Variants in DAPK2 observed in about 807,000 individuals in gnomAD.
The protein encoded by DAPK2 is death associated protein kinase 2.
DAPK2 carries 35 observed loss-of-function variants against 44.1 expected under a neutral mutation model. The ratio of observed to expected loss-of-function variants is 0.79; its 90% CI spans 0.61 to 1.05. The LOEUF is 1.05. Ranked by LOEUF, DAPK2 falls within the 50% of genes least tolerant of loss-of-function variation. DAPK2 has a pLI of 0.00. For synonymous variants in DAPK2, 174 were observed against 182.6 expected (o/e 0.95, Z 0.38); for missense variants, 453 against 483.2 (o/e 0.94, Z 0.59).
At chr15:63,959,930 T>C (rs1419919902) in intron 3 of DAPK2, among the ~76,000 whole-genome samples, 1 of 152,248 alleles carries the variant, frequency 6.6e-6, no homozygotes, top group African/African-American at 2.4e-5. Context: ...GAAGGAATGG[T>C]ACCAGCTCCT....
chr15:64,038,025 T>C (rs1468696374), intron 1 of DAPK2, among the ~76,000 whole-genome samples: 1 of 152,192 alleles, frequency 6.6e-6, no homozygotes, highest in Non-Finnish European at 1.5e-5. Context: ...ACATGAGGTC[T>C]CTTCCGGGTC....
chr15:64,045,975 C>G (rs1382079051), intron 1 of DAPK2, among the ~76,000 whole-genome samples: 1 of 152,214 alleles, frequency 6.6e-6, no homozygotes, highest in African/African-American at 2.4e-5. Context: ...CGTGCTCTGC[C>G]CGTTCCAGGG....
chr15:63,916,117 C>T lies in DAPK2; in HGVS notation c.859-3920G>A, dbSNP rs1474754786. ...GTGTTTGGTGTCTTGGAAAAATGTC[C>T]AAAAGGGAAGCAAGAAGACAGAAAA... On this transcript the variant is annotated intron_variant, in intron 8 of 10. Transcript: ENST00000261891. The surrounding 1 kb of genome is among the most constrained non-coding windows in gnomAD (Gnocchi z 4.7). The T allele has an allele frequency of 1.3e-5, 2 of 152,026 alleles. No homozygotes were observed. Among genetic ancestry groups the T allele is most frequent in the Non-Finnish European group, 2.9e-5 (2 of 68,074 alleles). 9.4% of individuals were successfully genotyped at this position (152,026 alleles called of 1,614,324 possible). A position where few individuals can be genotyped will look rare whatever the true frequency, so the allele number is the denominator to read the frequency against.
intron 3 of DAPK2, among the ~76,000 whole-genome samples, chr15:63,963,357 A>T (rs2077965446): frequency 6.6e-6 from 1 of 152,210 alleles, no homozygotes; most frequent in African/African-American, 2.4e-5. Context: ...GACAAGCCCC[A>T]GTGAGAGGAA....
chr15:63,930,254 G>A (rs923636840), intron 5 of DAPK2, among the ~76,000 whole-genome samples, 153 bp downstream of exon 6: 8 of 152,210 alleles, frequency 5.3e-5, no homozygotes, highest in African/African-American at 1.4e-4. Context: ...CCTGGCCACA[G>A]GTCTAACACA....
rs60772131 is a variant in DAPK2 at position 63,974,452 on chromosome 15, T to C, written c.315-2891A>G. On this transcript the variant is annotated intron_variant, in intron 2 of 10. Coordinates refer to ENST00000261891, the Ensembl canonical transcript of DAPK2. ...CTGGAAAAGTGGAACAACTTGAAGGTGAGGATAGGGGGTTGGGAGGGCTTC... is the reference window on the plus strand; with the variant it reads ...CTGGAAAAGTGGAACAACTTGAAGGCGAGGATAGGGGGTTGGGAGGGCTTC... Among the ~76,000 whole-genome samples, 692 of 152,158 alleles carry C rather than the reference T, an allele frequency of 4.5e-3. 4 individuals are homozygous for C. The highest frequency in any genetic ancestry group is 0.016 in the African/African-American group (659 of 41,510).
rs2078820556 is a variant in DAPK2, at chr15:63,912,321, C to A, written c.859-124G>T. 1 of 840,788 alleles carries A rather than the reference C, an allele frequency of 1.2e-6. No individual in the cohort carries two copies. The highest frequency in any genetic ancestry group is 1.6e-5 in the South Asian group (1 of 63,442). The allele number at this position is 840,788 out of a possible 1,614,324, so 52.1% of individuals were successfully genotyped here. On this transcript the variant is annotated intron_variant, in intron 8 of 10. Coordinates refer to ENST00000261891, the Ensembl canonical transcript of DAPK2. The surrounding 1 kb of genome is among the most constrained non-coding windows in gnomAD (Gnocchi z 4.4). Reference sequence around the variant, plus strand: ...TTGGCTTGACCCTGGCATCTCCCCGCCAGGTGGGGCACACCGTGGGAGCAT... The same window carrying A: ...TTGGCTTGACCCTGGCATCTCCCCGACAGGTGGGGCACACCGTGGGAGCAT...
intron 4 of DAPK2, among the ~76,000 whole-genome samples, chr15:63,937,326 A>G (rs1027278788): frequency 2.6e-5 from 4 of 152,198 alleles, no homozygotes; most frequent in Non-Finnish European, 5.9e-5. Context: ...GAAATTGGCC[A>G]ATGCTATAAA....
chr15:63,920,260 T>A (rs1290869772), intron 8 of DAPK2: 1 of 152,114 alleles, frequency 6.6e-6, no homozygotes, highest in Non-Finnish European at 1.5e-5. Flanking sequence ...ATAGTGCAAA[T>A]TCAGAAAGCA....
chr15:64,007,854 T>C (rs1057129094), intron 1 of DAPK2, among the ~76,000 whole-genome samples: 1 of 152,166 alleles, frequency 6.6e-6, no homozygotes, highest in African/African-American at 2.4e-5. Flanking sequence ...AGGAAAAAAG[T>C]ACTGATCCAT....
chr15:63,927,458 T>C (rs1219024073), intron 6 of DAPK2, among the ~76,000 whole-genome samples: 1 of 152,232 alleles, frequency 6.6e-6, no homozygotes, highest in Non-Finnish European at 1.5e-5. Flanking sequence ...GCTGTCTCTA[T>C]TTCTCTCTCA....
intron 1 of DAPK2, among the ~76,000 whole-genome samples, chr15:64,017,676 A>G (rs561156472): frequency 6.6e-6 from 1 of 152,370 alleles, no homozygotes; most frequent in South Asian, 2.1e-4. Flanking sequence ...TTTTGTAAAA[A>G]ATAGTCAATT....
Position 63,983,769 on chromosome 15 carries a change from A to G in DAPK2, c.93-15T>C. On this transcript the variant is annotated splice_polypyrimidine_tract_variant and intron_variant, in intron 1 of 10. Transcript: ENST00000261891. The stretch of plus-strand genomic sequence containing the variant: ...CAAACTGGCCACTGTGGGGACACAG[A>G]CCCACAAGATTAGGTCATCACTGTG... The G allele has an allele frequency of 6.2e-7, 1 of 1,605,928 alleles. No individual in the cohort carries two copies. The highest frequency in any genetic ancestry group is 2.2e-5 in the East Asian group (1 of 44,830).
intron 3 of DAPK2, among the ~76,000 whole-genome samples, chr15:63,949,153 G>C (rs1381289183): frequency 6.6e-6 from 1 of 152,284 alleles, no homozygotes; most frequent in East Asian, 1.9e-4. Context: ...GCTTAGGAAA[G>C]GGCCTGAACT....
At chr15:63,982,659 C>T (rs1289632800) in intron 2 of DAPK2, among the ~76,000 whole-genome samples, 1 of 152,174 alleles carries the variant, frequency 6.6e-6, no homozygotes, top group Non-Finnish European at 1.5e-5. Context: ...CCATCATGAA[C>T]TGTGAGGTCT....
Position 63,911,779 on chromosome 15 carries a change from C to A in DAPK2, c.1032+129G>T, listed in dbSNP as rs115165360. 1,595 of 903,874 alleles carry A rather than the reference C, an allele frequency of 1.8e-3. 14 individuals are homozygous for A. In the African/African-American group the frequency reaches 0.024, roughly 13 times the overall value. The allele number at this position is 903,874 out of a possible 1,614,324, so 56.0% of individuals were successfully genotyped here. On this transcript the variant is annotated intron_variant, in intron 10 of 10. Transcript: ENST00000261891. ...CTTCAGCCTTCAGGGAAGAGGAGGA[C>A]TGGGCCAGCAGAACTGGCTGGAAAC...
intron 4 of DAPK2, among the ~76,000 whole-genome samples, chr15:63,930,682 C>T (rs1337024553): frequency 6.6e-6 from 1 of 152,086 alleles, no homozygotes; most frequent in Non-Finnish European, 1.5e-5. Flanking sequence ...ATCCCCAATG[C>T]AATAGTATTA....
intron 3 of DAPK2, among the ~76,000 whole-genome samples, chr15:63,970,617 C>A (rs1382152825): frequency 6.6e-6 from 1 of 152,124 alleles, no homozygotes; most frequent in Non-Finnish European, 1.5e-5. Context: ...AGCAGCAATA[C>A]CCAAGCACCC....
intron 3 of DAPK2, among the ~76,000 whole-genome samples, chr15:63,953,834 T>TC (rs2077653473): frequency 6.6e-6 from 1 of 152,226 alleles, no homozygotes; most frequent in African/African-American, 2.4e-5. Flanking sequence ...AGATGATGTC[T>TC]CACTGGAGTT....
Sources: gnomAD v4.1 joint callset for allele counts (sites outside exome capture counted in the v4.1 genomes callset) on GRCh38, gnomAD v4.1.1 for gene constraint, Gnocchi (gnomAD v3.1) non-coding constraint, MANE v1.5 for transcripts, NCBI Gene and HGNC (gene_info 2026-07-23, HGNC 2026-07-21) for gene names.